PTPRM: variants seen among roughly 807,000 people sequenced by gnomAD.
The protein encoded by PTPRM is receptor-type tyrosine-protein phosphatase mu.
In PTPRM, 47 loss-of-function variants were observed where a neutral mutation model predicts 186.7. The ratio of observed to expected loss-of-function variants is 0.25; its 90% CI spans 0.20 to 0.32. The LOEUF (loss-of-function observed/expected upper bound fraction) is 0.32. Among genes scored for constraint, PTPRM ranks in the 10% least tolerant of loss-of-function variants. PTPRM has a pLI of 1.00. For synonymous variants in PTPRM, 668 were observed against 674.9 expected, an observed-to-expected ratio of 0.99 and a Z score of 0.16; for missense variants, 1,494 against 1,865.0, an observed-to-expected ratio of 0.80 and a Z score of 3.66.
At position 8,316,034 on chromosome 18, in the gene PTPRM, A is replaced by T. The variant is rs559077816; in HGVS notation, c.2919+1177A>T. Among the ~76,000 whole-genome samples, 4 of 152,294 alleles carry T rather than the reference A, an allele frequency of 2.6e-5. No individual in the cohort carries two copies. The South Asian group carries it at 8.3e-4, about 32-fold the overall frequency. ...TTTAATCAGCACATGTTTAGTGAGA[A>T]CCTCATGGGAGTACTCAGATGTTCC... On this transcript the variant is annotated intron_variant, in intron 21 of 32. Transcript: ENST00000580170.
At chr18:7,761,773 G>A (rs1441029815) in intron 1 of PTPRM, among the ~76,000 whole-genome samples, 4 of 152,094 alleles carry the variant, frequency 2.6e-5, no homozygotes, top group Admixed American at 6.5e-5. Flanking sequence ...CCTAGTGCCT[G>A]ACATCATGCC....
At chr18:8,240,637 GAGAGAGAGAGAGAGAGAAAGAAAGAA>G (rs1249724398) in intron 14 of PTPRM, among the ~76,000 whole-genome samples, 999 of 49,702 alleles carry the variant, frequency 0.02, 49 homozygotes, top group African/African-American at 0.081. Flanking sequence ...GAGAGAGAGA[GAGAGAGAGAGAGAGAGAAAGAAAGAA>G]AGAAAGAAAG....
intron 14 of PTPRM, among the ~76,000 whole-genome samples, chr18:8,225,093 G>A (rs966429986): frequency 2.6e-5 from 4 of 152,280 alleles, no homozygotes; most frequent in Admixed American, 1.3e-4. Context: ...TCAAAATGGT[G>A]ACATCTTAAT....
intron 1 of PTPRM, among the ~76,000 whole-genome samples, chr18:7,745,355 G>C (rs2040964247): frequency 6.6e-6 from 1 of 152,178 alleles, no homozygotes; most frequent in African/African-American, 2.4e-5. Context: ...TCCTGCATTT[G>C]GGGCCACTTT....
chr18:8,181,632 G>GCACA (rs2093576181), intron 14 of PTPRM, among the ~76,000 whole-genome samples: 1 of 152,194 alleles, frequency 6.6e-6, no homozygotes, highest in Non-Finnish European at 1.5e-5. Context: ...TCTGCTGCTT[G>GCACA]TGCATCTTAG....
chr18:7,965,576 G>C (rs780149111), intron 7 of PTPRM, among the ~76,000 whole-genome samples: 2 of 152,168 alleles, frequency 1.3e-5, no homozygotes, highest in Non-Finnish European at 2.9e-5. Context: ...AGGGCTGCTT[G>C]TGAGCCAGGC....
intron 19 of PTPRM, among the ~76,000 whole-genome samples, chr18:8,256,687 A>G (rs1008980661): frequency 6.6e-6 from 1 of 152,230 alleles, no homozygotes; most frequent in African/African-American, 2.4e-5. Context: ...CTTTCTTACC[A>G]TGTACCATAT....
At chr18:7,679,241 A>G (rs2039422745) in intron 1 of PTPRM, among the ~76,000 whole-genome samples, 1 of 152,234 alleles carries the variant, frequency 6.6e-6, no homozygotes, top group South Asian at 2.1e-4. Flanking sequence ...TATACTGTTT[A>G]AGTATTTAAA....
intron 14 of PTPRM, among the ~76,000 whole-genome samples, chr18:8,212,825 T>C (rs2094025772): frequency 1.3e-5 from 2 of 152,198 alleles, no homozygotes; most frequent in Admixed American, 1.3e-4. Flanking sequence ...AACTAATGTG[T>C]ACATTGTATA....
chr18:8,286,526 A>G (rs1601636437), intron 19 of PTPRM, among the ~76,000 whole-genome samples: 1 of 152,246 alleles, frequency 6.6e-6, no homozygotes, highest in African/African-American at 2.4e-5. Flanking sequence ...CTGACTGCCA[A>G]GGCTTCCCTT....
intron 1 of PTPRM, among the ~76,000 whole-genome samples, chr18:7,584,976 C>T (rs2036939943): frequency 2.0e-5 from 3 of 152,152 alleles, no homozygotes; most frequent in Admixed American, 6.5e-5. Context: ...CAAGTCGAGC[C>T]CTCTATTTCT....
intron 19 of PTPRM, among the ~76,000 whole-genome samples, chr18:8,281,360 T>C (rs2094901761): frequency 6.6e-6 from 1 of 152,208 alleles, no homozygotes; most frequent in Admixed American, 6.5e-5. Context: ...TTGTTCCTGG[T>C]CTCTCCTCCT....
intron 13 of PTPRM, among the ~76,000 whole-genome samples, chr18:8,141,980 C>T (rs545498698): frequency 1.3e-5 from 2 of 152,202 alleles, no homozygotes; most frequent in Admixed American, 1.3e-4. Flanking sequence ...TTTTTCTTAG[C>T]AATTTGTTTA....
intron 11 of PTPRM, among the ~76,000 whole-genome samples, chr18:8,100,602 A>G (rs2145531189): frequency 6.6e-6 from 1 of 152,336 alleles, no homozygotes; most frequent in Middle Eastern, 3.4e-3. Context: ...AATTACATTC[A>G]GTATGAGATT....
At chr18:7,619,003 G>A (rs1266657885) in intron 1 of PTPRM, among the ~76,000 whole-genome samples, 1 of 152,050 alleles carries the variant, frequency 6.6e-6, no homozygotes, top group Admixed American at 6.6e-5. Context: ...AACAGTCCCC[G>A]GGCTCTCGGA....
chr18:7,786,897 AT>A (rs748811121), intron 2 of PTPRM, among the ~76,000 whole-genome samples: 21 of 152,270 alleles, frequency 1.4e-4, no homozygotes, highest in Non-Finnish European at 2.9e-4. Context: ...CAGATGGGTC[AT>A]TGGGTCAACC....
At chr18:7,674,117 A>G (rs145352562) in intron 1 of PTPRM, among the ~76,000 whole-genome samples, 32 of 152,254 alleles carry the variant, frequency 2.1e-4, no homozygotes, top group African/African-American at 7.0e-4. Context: ...ATGTGAGGAA[A>G]GAGAAGGGGG....
chr18:8,092,539 A>G (rs548861075), intron 11 of PTPRM, among the ~76,000 whole-genome samples: 1 of 152,186 alleles, frequency 6.6e-6, no homozygotes, highest in South Asian at 2.1e-4. Context: ...CTCAGCCTCC[A>G]GAGTAGGTAT....
chr18:8,376,748 T>TCCC, intron 26 of PTPRM, 151 bp downstream of exon 26: 1 of 976,194 alleles, frequency 1.0e-6, no homozygotes, highest in Non-Finnish European at 1.4e-6. Flanking sequence ...CCTCCCTCCC[T>TCCC]TCCCCCTTTT....
Sources: allele counts gnomAD v4.1 joint callset (sites outside exome capture counted in the v4.1 genomes callset), GRCh38; gene constraint gnomAD v4.1.1; transcripts MANE v1.5; gene names NCBI Gene and HGNC (gene_info 2026-07-23, HGNC 2026-07-21).